Variants in EXOC4 observed in about 807,000 individuals in gnomAD.
EXOC4 encodes SEC8-like 1.
In EXOC4, 71 loss-of-function variants were observed where a neutral mutation model predicts 107.2. The observed-to-expected ratio is 0.66, with a 90% CI of 0.55 to 0.81. The LOEUF is 0.81. Among genes scored for constraint, EXOC4 ranks in the 30% least tolerant of loss-of-function variants. The probability of loss-of-function intolerance (pLI) is 0.00; values close to 1 mark genes in which losing one functional copy is unlikely to be tolerated. For synonymous variants in EXOC4, 456 were observed against 441.2 expected (o/e 1.03, Z -0.42); for missense variants, 1,108 against 1,189.6 (o/e 0.93, Z 1.01).
intron 10 of EXOC4, among the ~76,000 whole-genome samples, chr7:133,646,723 A>G (rs1803001816): frequency 1.3e-5 from 2 of 152,232 alleles, no homozygotes; most frequent in Non-Finnish European, 2.9e-5. Context: ...TAGCAACACC[A>G]GGCCTGGAGA....
chr7:133,491,244 T>C lies in EXOC4; in HGVS notation c.1417+11106T>C, dbSNP rs1799366325. 3.3e-5 allele frequency among the ~76,000 whole-genome samples: 5 copies of C among 152,354 alleles called. No homozygotes were observed. In the South Asian group the frequency reaches 1.0e-3, roughly 32 times the overall value. On this transcript the variant is annotated intron_variant, in intron 9 of 17. Transcript: ENST00000253861. ...ATTGTAATAGTCATAATATAGGATG[T>C]TCATTCCTAGAATTGTGATGACATC...
At chr7:133,587,555 T>TAA (rs1801435603) in intron 9 of EXOC4, among the ~76,000 whole-genome samples, 1 of 152,218 alleles carries the variant, frequency 6.6e-6, no homozygotes, top group South Asian at 2.1e-4. Flanking sequence ...TTGTCTTTTA[T>TAA]AAAAGGTGTT....
At chr7:133,357,376 C>A (rs920124122) in intron 6 of EXOC4, among the ~76,000 whole-genome samples, 9 of 152,164 alleles carry the variant, frequency 5.9e-5, no homozygotes, top group Non-Finnish European at 1.2e-4. Context: ...CCATTTGATT[C>A]TAAAATCCAT....
chr7:134,062,638 G>A (rs1460185038), intron 17 of EXOC4, among the ~76,000 whole-genome samples: 1 of 152,204 alleles, frequency 6.6e-6, no homozygotes, highest in Non-Finnish European at 1.5e-5. Flanking sequence ...AGAGAAGTGA[G>A]TAACACTCTT....
At chr7:133,818,059 A>G (rs1274825748) in intron 11 of EXOC4, among the ~76,000 whole-genome samples, 2 of 152,316 alleles carry the variant, frequency 1.3e-5, no homozygotes, top group East Asian at 1.9e-4. Context: ...TTAGTACTGA[A>G]AATTTTACTT....
intron 7 of EXOC4, among the ~76,000 whole-genome samples, chr7:133,398,674 A>T (rs565782057): frequency 7.9e-4 from 121 of 152,266 alleles, no homozygotes; most frequent in African/African-American, 2.7e-3. Context: ...AGAACAAGAC[A>T]TTTGAGTTTG....
intron 13 of EXOC4, among the ~76,000 whole-genome samples, chr7:133,933,286 G>A (rs1275090500): frequency 6.6e-6 from 1 of 152,146 alleles, no homozygotes; most frequent in Non-Finnish European, 1.5e-5. Flanking sequence ...CAATAATTAT[G>A]TGGTAAAAAT....
intron 5 of EXOC4, among the ~76,000 whole-genome samples, chr7:133,330,507 C>T (rs1223157615): frequency 6.6e-6 from 1 of 152,180 alleles, no homozygotes; most frequent in African/African-American, 2.4e-5. Flanking sequence ...AGTGTCTGCC[C>T]AAATGGTTGC....
At chr7:134,023,618 C>T (rs1393686602) in intron 17 of EXOC4, among the ~76,000 whole-genome samples, 1 of 152,104 alleles carries the variant, frequency 6.6e-6, no homozygotes, top group Non-Finnish European at 1.5e-5. Flanking sequence ...CCGGGTTCTA[C>T]ACTGTGGTAA....
chr7:133,259,714 T>C (rs1172392882), intron 1 of EXOC4, among the ~76,000 whole-genome samples: 2 of 152,206 alleles, frequency 1.3e-5, no homozygotes, highest in East Asian at 3.8e-4. Flanking sequence ...CTAAAGTTAT[T>C]ATCATTGATA....
intron 8 of EXOC4, among the ~76,000 whole-genome samples, chr7:133,476,332 T>C (rs1442355304): frequency 6.6e-6 from 1 of 152,150 alleles, no homozygotes; most frequent in East Asian, 1.9e-4. Flanking sequence ...GTCTCATAGC[T>C]AGCATGTGGT....
chr7:133,730,683 A>G (rs747130213), intron 10 of EXOC4, among the ~76,000 whole-genome samples: 36 of 152,182 alleles, frequency 2.4e-4, no homozygotes, highest in Non-Finnish European at 4.3e-4. Flanking sequence ...GCAAAGTGTA[A>G]GATGAATCTC....
chr7:133,634,996 A>C (rs1721907448), intron 10 of EXOC4, among the ~76,000 whole-genome samples: 1 of 152,024 alleles, frequency 6.6e-6, no homozygotes, highest in South Asian at 2.1e-4. Flanking sequence ...GAATGAATTC[A>C]TTCTTATAAA....
intron 5 of EXOC4, among the ~76,000 whole-genome samples, chr7:133,342,390 C>T (rs1204350273): frequency 2.6e-5 from 4 of 152,134 alleles, no homozygotes; most frequent in African/African-American, 7.2e-5. Flanking sequence ...TTGTAGGTTT[C>T]TGTTTAGAAA....
chr7:133,363,134 A>G lies in EXOC4; in HGVS notation c.1007+6561A>G, dbSNP rs146328535. 2.0e-5 allele frequency among the ~76,000 whole-genome samples: 3 copies of G among 152,356 alleles called. No homozygotes were observed. In the East Asian group the frequency reaches 5.8e-4, roughly 29 times the overall value. Reference sequence around the variant, plus strand: ...ATTAAATCTCTACTTTTGATTACACATATCATGAGAACATGCTTTAAATAT... The same window carrying G: ...ATTAAATCTCTACTTTTGATTACACGTATCATGAGAACATGCTTTAAATAT... On this transcript the variant is annotated intron_variant, in intron 6 of 17. Coordinates refer to ENST00000253861, the MANE Select transcript of EXOC4 (RefSeq NM_021807.4).
At chr7:133,376,491 G>A (rs1796493239) in intron 7 of EXOC4, among the ~76,000 whole-genome samples, 1 of 152,180 alleles carries the variant, frequency 6.6e-6, no homozygotes, top group Non-Finnish European at 1.5e-5. Context: ...ACCCTTTGCT[G>A]TAAGCAACTT....
At chr7:134,046,794 C>A (rs1795664614) in intron 17 of EXOC4, among the ~76,000 whole-genome samples, 1 of 152,138 alleles carries the variant, frequency 6.6e-6, no homozygotes, top group African/African-American at 2.4e-5. Context: ...CCCCAGCTGT[C>A]CTTCTAAACA....
intron 11 of EXOC4, among the ~76,000 whole-genome samples, chr7:133,876,717 G>A (rs1798857991): frequency 6.6e-6 from 1 of 152,006 alleles, no homozygotes; most frequent in South Asian, 2.1e-4. Context: ...TCCCAGGGAG[G>A]GGGCACAGTA....
At chr7:133,968,169 T>C (rs1801114635) in intron 14 of EXOC4, among the ~76,000 whole-genome samples, 1 of 151,918 alleles carries the variant, frequency 6.6e-6, no homozygotes, top group South Asian at 2.1e-4. Context: ...CTTTTTTTTC[T>C]CTTTTTTTGC....
Sources: gnomAD v4.1 joint callset for allele counts (sites outside exome capture counted in the v4.1 genomes callset) on GRCh38, gnomAD v4.1.1 for gene constraint, MANE v1.5 for transcripts, NCBI Gene and HGNC (gene_info 2026-07-23, HGNC 2026-07-21) for gene names.